TTLL4: variants seen among roughly 807,000 people sequenced by gnomAD.
The protein encoded by TTLL4 is tubulin monoglutamylase TTLL4.
Under a neutral mutation model 122.7 loss-of-function variants are expected in TTLL4, and 85 were observed. The ratio of observed to expected loss-of-function variants is 0.69; its 90% CI spans 0.58 to 0.83. The LOEUF (loss-of-function observed/expected upper bound fraction) is 0.83, where lower values mean the gene tolerates loss of function less well. Among genes scored for constraint, TTLL4 ranks in the 40% least tolerant of loss-of-function variants. TTLL4 has a pLI of 0.00. For missense variants in TTLL4, 1,363 were observed against 1,488.6 expected (o/e 0.92, Z 1.39); for synonymous variants, 553 against 563.0 (o/e 0.98, Z 0.25).
At chr2:218,745,079 TCTCTA>T in intron 5 of TTLL4, 25 bp from the exon 6 acceptor site, 1 of 1,612,318 alleles carries the variant, frequency 6.2e-7, no homozygotes. Flanking sequence ...TTTTTCCCTT[TCTCTA>T]CTCCATGTTT....
chr2:218,721,058 A>G (rs1004529957), intron 1 of TTLL4, among the ~76,000 whole-genome samples: 2 of 152,212 alleles, frequency 1.3e-5, no homozygotes, highest in African/African-American at 2.4e-5. Context: ...CGGAAGCTCC[A>G]AGCCCTTTTC....
At chr2:218,759,252 TAAATA>T, downstream of TTLL4, among the ~76,000 whole-genome samples, 1 of 150,446 alleles carries the variant, frequency 6.6e-6, no homozygotes, top group East Asian at 2.0e-4. Context: ...TCTCAATAAA[TAAATA>T]AATAGGAAGA....
Position 218,753,807 on chromosome 2 carries a change from A to G in TTLL4, c.3344+138A>G, listed in dbSNP as rs546010539. Reference sequence around the variant, plus strand: ...GGTGGGAGCGTCAGGACATGCAGCCATAGCATCCTTTTTCTGGTAGATCTT... The same window carrying G: ...GGTGGGAGCGTCAGGACATGCAGCCGTAGCATCCTTTTTCTGGTAGATCTT... On this transcript the variant is annotated intron_variant, in intron 19 of 19. Coordinates refer to ENST00000392102, the MANE Select transcript of TTLL4 (RefSeq NM_014640.5). 433 of 946,098 alleles carry G rather than the reference A, an allele frequency of 4.6e-4. 5 individuals carry two copies. In the South Asian group the frequency reaches 6.0e-3, roughly 13 times the overall value. The allele number at this position is 946,098 out of a possible 1,614,324, so 58.6% of individuals were successfully genotyped here. A position where few individuals can be genotyped will look rare whatever the true frequency, so the allele number is the denominator to read the frequency against.
chr2:218,740,673 C>A, intron 5 of TTLL4, 89 bp downstream of exon 5: 1 of 1,468,700 alleles, frequency 6.8e-7, no homozygotes, highest in Non-Finnish European at 9.5e-7. Flanking sequence ...TCATTAATGG[C>A]CTGGAGAACT....
chr2:218,722,565 A>G (rs1352216080), intron 1 of TTLL4, among the ~76,000 whole-genome samples: 2 of 152,224 alleles, frequency 1.3e-5, no homozygotes. Context: ...AGTGTTTCAG[A>G]GGAAACCACA....
At chr2:218,746,869 A>G in intron 8 of TTLL4, 134 bp from the exon 9 acceptor site, 1 of 897,618 alleles carries the variant, frequency 1.1e-6, no homozygotes, top group Non-Finnish European at 1.7e-6. Context: ...GAGGACCATT[A>G]GGGTGGTGAT....
downstream of TTLL4, among the ~76,000 whole-genome samples, chr2:218,756,290 A>G (rs1159013686): frequency 5.9e-5 from 9 of 151,996 alleles, no homozygotes; most frequent in Non-Finnish European, 1.3e-4. Flanking sequence ...ATCTATTTCC[A>G]TTGCCCTAAC....
rs1029614016 is a variant in TTLL4, at chr2:218,710,860, C to A, written c.-355C>A. On this transcript the variant is annotated 5_prime_UTR_variant, in exon 1 of 20. Transcript: ENST00000392102. ...CTCTTCTTCCAGACTCTCGGTCTGT[C>A]CGCTGGGGGCGCGCGCGGTGTGTGG... 4.0e-5 allele frequency: 6 copies of A among 151,560 alleles called. No individual in the cohort carries two copies. Among genetic ancestry groups the A allele is most frequent in the African/African-American group, 1.5e-4 (6 of 41,194 alleles). 9.4% of individuals were successfully genotyped at this position (151,560 alleles called of 1,614,324 possible).
At chr2:218,711,062 G>C (rs1050829455) in intron 1 of TTLL4, 25 bp downstream of exon 1, 1 of 152,398 alleles carries the variant, frequency 6.6e-6, no homozygotes, top group Non-Finnish European at 1.5e-5. Context: ...GGAGCCAGGG[G>C]AGCCGACCCC....
chr2:218,758,472 C>A (rs771291923), downstream of TTLL4, among the ~76,000 whole-genome samples: 2 of 152,048 alleles, frequency 1.3e-5, no homozygotes. Flanking sequence ...AGTAAAAGCA[C>A]TATAACATGC....
rs533198956 is a variant in TTLL4, at chr2:218,747,604, C to T, written c.2257C>T (p.His753Tyr). The T allele has an allele frequency of 1.2e-6, 2 of 1,614,184 alleles. No individual in the cohort carries two copies. Among genetic ancestry groups the T allele is most frequent in the South Asian group, 1.1e-5 (1 of 91,080 alleles). The change falls in exon 11 of 20, where the codon CAC (histidine) becomes TAC (tyrosine). Residue 753 changes from histidine to tyrosine, a missense_variant. Around this residue, in one of 3 missense-constraint regions of TTLL4, gnomAD observed 596 missense variants for 655.8 expected, o/e 0.91. Coordinates refer to ENST00000392102, the MANE Select transcript of TTLL4 (RefSeq NM_014640.5). The surrounding 1 kb of genome is among the most constrained non-coding windows in gnomAD (Gnocchi z 4.7). ...RRPLLVQRYL[H>Y]KPYLISGSKF... ...GGCCTTTGTCCTATGTAGGTATCTA[C>T]ACAAACCCTACCTCATCAGCGGCAG...
intron 2 of TTLL4, among the ~76,000 whole-genome samples, chr2:218,736,849 C>CTTTTTTT (rs776690140): frequency 7.2e-6 from 1 of 139,438 alleles, no homozygotes. Flanking sequence ...TTCAGATCGT[C>CTTTTTTT]TTTTTTTTTT....
intron 5 of TTLL4, 75 bp downstream of exon 5, chr2:218,740,659 C>A: frequency 2.0e-6 from 3 of 1,536,516 alleles, no homozygotes; most frequent in South Asian, 1.1e-5. Flanking sequence ...ATAAACCACT[C>A]AAGTCATTAA....
At chr2:218,730,252 G>T (rs1165155871) in intron 2 of TTLL4, among the ~76,000 whole-genome samples, 1 of 141,724 alleles carries the variant, frequency 7.1e-6, no homozygotes, top group African/African-American at 2.6e-5. Context: ...CAGATCACGA[G>T]GTCAGGAGTT....
intron 5 of TTLL4, among the ~76,000 whole-genome samples, chr2:218,743,118 T>C (rs1942748415): frequency 6.6e-6 from 1 of 151,784 alleles, no homozygotes; most frequent in Non-Finnish European, 1.5e-5. Flanking sequence ...CACCCCAGCC[T>C]GGGTGACAAG....
chr2:218,731,850 T>G (rs1942390194), intron 2 of TTLL4, among the ~76,000 whole-genome samples: 1 of 152,202 alleles, frequency 6.6e-6, no homozygotes, highest in Admixed American at 6.5e-5. Flanking sequence ...GAGGAGGACC[T>G]AGATTGAGGA....
At chr2:218,716,280 C>T (rs970626408) in intron 1 of TTLL4, among the ~76,000 whole-genome samples, 4 of 152,178 alleles carry the variant, frequency 2.6e-5, no homozygotes, top group African/African-American at 4.8e-5. Flanking sequence ...CAAATAATGA[C>T]GTCGGAATAA....
Position 218,753,586 on chromosome 2 carries a change from G to A in TTLL4, c.3261G>A (p.Trp1087Ter). Residue 1087 changes from tryptophan to a stop codon, truncating the protein, a stop_gained and splice_region_variant, in exon 19 of 20, where the codon TGG becomes TGA. Transcript: ENST00000392102. LOFTEE classifies it high-confidence loss of function. Reference sequence around the variant, plus strand: ...CTCATTGCTTCCTTTGCTCTTAGTGGTCTCTCCCGACATCACTTCTGACTA... The same window carrying A: ...CTCATTGCTTCCTTTGCTCTTAGTGATCTCTCCCGACATCACTTCTGACTA... Reference protein sequence around the residue: ...MGVVSDSAPVWSLPTSLLTIS... With the variant: ...MGVVSDSAPV The A allele has an allele frequency of 1.9e-6, 3 of 1,614,076 alleles. No homozygotes were observed. The highest frequency in any genetic ancestry group is 2.5e-6 in the Non-Finnish European group (3 of 1,180,018).
intron 2 of TTLL4, among the ~76,000 whole-genome samples, chr2:218,729,601 T>C (rs935779742): frequency 3.3e-5 from 5 of 152,094 alleles, no homozygotes; most frequent in Admixed American, 6.6e-5. Context: ...CATTTTTACA[T>C]GTTGTTTGTT....
Sources: allele counts gnomAD v4.1 joint callset (sites outside exome capture counted in the v4.1 genomes callset), GRCh38; gene constraint gnomAD v4.1.1; regional missense constraint gnomAD v4.1.1; non-coding constraint Gnocchi (gnomAD v3.1); transcripts MANE v1.5; gene names NCBI Gene and HGNC (gene_info 2026-07-23, HGNC 2026-07-21).